MAST4: variants seen among roughly 807,000 people sequenced by gnomAD.
MAST4 encodes the protein microtubule-associated serine/threonine-protein kinase 4.
Under a neutral mutation model 162.7 loss-of-function variants are expected in MAST4, and 89 were observed. That is an observed-to-expected ratio of 0.55 (90% CI 0.46 to 0.65). The LOEUF (loss-of-function observed/expected upper bound fraction) is 0.65, where lower values mean the gene tolerates loss of function less well. MAST4 is among the 30% of genes least tolerant of loss of function. The pLI, the probability that MAST4 is intolerant of heterozygous loss-of-function variation, is 0.00. For synonymous variants in MAST4, 1,479 were observed against 1,361.1 expected (o/e 1.09, Z -1.91); for missense variants, 3,153 against 3,374.0 (o/e 0.93, Z 1.62).
Position 66,711,106 on chromosome 5 carries a change from T to C in MAST4, c.364-48603T>C, listed in dbSNP as rs565984744. Among the ~76,000 whole-genome samples the C allele has an allele frequency of 2.6e-5, 4 of 152,358 alleles. No individual in the cohort carries two copies. In the South Asian group the frequency reaches 8.3e-4, roughly 32 times the overall value. On this transcript the variant is annotated intron_variant, in intron 1 of 28. Coordinates refer to ENST00000403625, the MANE Select transcript of MAST4 (RefSeq NM_001164664.2). ...TGTCATCATACGGGATGTCCCATTG[T>C]GTCTTGCTTCATCTACCAAATGCTG...
intron 1 of MAST4, among the ~76,000 whole-genome samples, chr5:66,712,605 C>T (rs1281480847): frequency 1.3e-5 from 2 of 152,140 alleles, no homozygotes; most frequent in African/African-American, 2.4e-5. Context: ...TTTATGTCTG[C>T]CAAAGTGGAT....
intron 11 of MAST4, among the ~76,000 whole-genome samples, chr5:67,113,696 T>C (rs1007696606): frequency 6.6e-6 from 1 of 152,176 alleles, no homozygotes; most frequent in African/African-American, 2.4e-5. Context: ...GCTGGTTGAG[T>C]GGAGAGAGAA....
chr5:67,109,288 T>C (rs559414393), intron 10 of MAST4, among the ~76,000 whole-genome samples: 2 of 152,250 alleles, frequency 1.3e-5, no homozygotes, highest in African/African-American at 4.8e-5. Context: ...TATGAAACTT[T>C]TAAAGCACCA....
At chr5:67,002,914 G>A (rs1751452892) in intron 4 of MAST4, among the ~76,000 whole-genome samples, 1 of 150,348 alleles carries the variant, frequency 6.7e-6, no homozygotes, top group African/African-American at 2.5e-5. Flanking sequence ...AGGGACATTT[G>A]GCAATGTCCT....
chr5:67,032,191 T>C (rs1160955519), intron 4 of MAST4, among the ~76,000 whole-genome samples: 5 of 152,164 alleles, frequency 3.3e-5, no homozygotes, highest in African/African-American at 4.8e-5. Flanking sequence ...TGAAAAAATC[T>C]GACTTTGTTA....
intron 3 of MAST4, among the ~76,000 whole-genome samples, chr5:66,793,181 T>A (rs257711): frequency 0.48 from 72,701 of 151,990 alleles, 17,721 homozygotes; most frequent in East Asian, 0.65. Flanking sequence ...TTTCCTTGGC[T>A]ATGCTAAATA....
chr5:67,147,117 C>T (rs1034334567), intron 23 of MAST4, among the ~76,000 whole-genome samples: 1 of 151,992 alleles, frequency 6.6e-6, no homozygotes, highest in African/African-American at 2.4e-5. Context: ...AAAAAATTCA[C>T]CTAGGTCCTG....
At chr5:67,029,499 T>C (rs1253282684) in intron 4 of MAST4, among the ~76,000 whole-genome samples, 1 of 152,134 alleles carries the variant, frequency 6.6e-6, no homozygotes, top group East Asian at 1.9e-4. Context: ...TTCTTTTAGT[T>C]AAGTATATTG....
intron 4 of MAST4, among the ~76,000 whole-genome samples, chr5:66,990,754 G>T (rs1749987650): frequency 2.0e-5 from 3 of 152,152 alleles, no homozygotes; most frequent in Non-Finnish European, 2.9e-5. Flanking sequence ...TTCTCTATGA[G>T]ACTTTTTCTT....
intron 2 of MAST4, among the ~76,000 whole-genome samples, chr5:66,766,232 C>A (rs1445388781): frequency 6.6e-6 from 1 of 152,080 alleles, no homozygotes; most frequent in Non-Finnish European, 1.5e-5. Flanking sequence ...GCCGTAACAG[C>A]CAGAGAATGA....
chr5:66,687,899 T>A (rs13159274), intron 1 of MAST4, among the ~76,000 whole-genome samples: 16,610 of 152,274 alleles, frequency 0.11, 1,014 homozygotes, highest in East Asian at 0.26. Flanking sequence ...TGATGTTAAG[T>A]TCAACTGATG....
intron 4 of MAST4, among the ~76,000 whole-genome samples, chr5:66,901,239 T>C (rs1012243731): frequency 3.9e-5 from 6 of 152,162 alleles, no homozygotes; most frequent in Admixed American, 6.5e-5. Context: ...TATTTTTTAT[T>C]TGAAAACTTC....
chr5:66,952,555 C>A (rs1744830874), intron 4 of MAST4, among the ~76,000 whole-genome samples: 1 of 152,156 alleles, frequency 6.6e-6, no homozygotes, highest in African/African-American at 2.4e-5. Context: ...ATTCTACTCT[C>A]CCTGCTTCGC....
At chr5:66,752,006 A>C (rs1025547780) in intron 1 of MAST4, among the ~76,000 whole-genome samples, 2 of 152,014 alleles carry the variant, frequency 1.3e-5, no homozygotes, top group African/African-American at 2.4e-5. Context: ...TCTTAAAGAA[A>C]AGAATTTTCA....
At chr5:66,967,763 A>T (rs571623520) in intron 4 of MAST4, among the ~76,000 whole-genome samples, 1 of 147,848 alleles carries the variant, frequency 6.8e-6, no homozygotes, top group South Asian at 2.1e-4. Flanking sequence ...CTACAAACTA[A>T]ATATATATAT....
intron 1 of MAST4, among the ~76,000 whole-genome samples, chr5:66,715,626 A>T (rs996841106): frequency 6.6e-6 from 1 of 151,780 alleles, no homozygotes; most frequent in Non-Finnish European, 1.5e-5. Flanking sequence ...CATATATAAT[A>T]AACCTGCACA....
chr5:66,798,486 C>T (rs1755762854), intron 3 of MAST4, among the ~76,000 whole-genome samples: 1 of 152,218 alleles, frequency 6.6e-6, no homozygotes, highest in African/African-American at 2.4e-5. Flanking sequence ...GACTTCTGTT[C>T]CTCCTGTCTG....
At chr5:66,895,775 C>A (rs189184733) in intron 3 of MAST4, among the ~76,000 whole-genome samples, 2 of 152,184 alleles carry the variant, frequency 1.3e-5, no homozygotes, top group Admixed American at 1.3e-4. Context: ...GTGTTCATTT[C>A]TTCTGTTCTT....
intron 1 of MAST4, among the ~76,000 whole-genome samples, chr5:66,755,209 G>GTAAAT (rs1753459401): frequency 6.6e-6 from 1 of 152,186 alleles, no homozygotes; most frequent in Non-Finnish European, 1.5e-5. Flanking sequence ...TGGAAGTTGA[G>GTAAAT]CCTGGAGGAT....
Sources: allele counts gnomAD v4.1 joint callset (sites outside exome capture counted in the v4.1 genomes callset), GRCh38; gene constraint gnomAD v4.1.1; transcripts MANE v1.5; gene names NCBI Gene and HGNC (gene_info 2026-07-23, HGNC 2026-07-21).